CADM2: variants seen among roughly 807,000 people sequenced by gnomAD.
CADM2 encodes the protein cell adhesion molecule 2.
CADM2 carries 12 observed loss-of-function variants against 49.8 expected under a neutral mutation model. The observed-to-expected ratio is 0.24, with a 90% CI of 0.15 to 0.39. CADM2 has a LOEUF of 0.39. Ranked by LOEUF, CADM2 falls within the 10% of genes least tolerant of loss-of-function variation. The pLI is 1.00. For missense variants in CADM2, 378 were observed against 492.3 expected, an observed-to-expected ratio of 0.77 and a Z score of 2.20; for synonymous variants, 214 against 175.4, an observed-to-expected ratio of 1.22 and a Z score of -1.74.
At chr3:85,673,809 G>A (rs2065816979) in intron 1 of CADM2, among the ~76,000 whole-genome samples, 1 of 152,052 alleles carries the variant, frequency 6.6e-6, no homozygotes, top group African/African-American at 2.4e-5. Flanking sequence ...ATATGTTTAG[G>A]GTTTGGGAGC....
intron 1 of CADM2, among the ~76,000 whole-genome samples, chr3:85,536,847 C>A (rs1048271978): frequency 6.6e-6 from 1 of 151,758 alleles, no homozygotes; most frequent in Non-Finnish European, 1.5e-5. Flanking sequence ...AATAGCTTTG[C>A]TCCCTGTGGT....
At chr3:85,754,326 A>C (rs2107872786) in intron 2 of CADM2, among the ~76,000 whole-genome samples, 1 of 152,160 alleles carries the variant, frequency 6.6e-6, no homozygotes, top group African/African-American at 2.4e-5. Context: ...CAGTGAAACA[A>C]CCACCTGACC....
chr3:85,446,647 G>A (rs189765906), intron 1 of CADM2, among the ~76,000 whole-genome samples: 1 of 138,040 alleles, frequency 7.2e-6, no homozygotes, highest in South Asian at 2.3e-4. Flanking sequence ...TTGTTGCCCA[G>A]ACTGGAGTAC....
intron 1 of CADM2, among the ~76,000 whole-genome samples, chr3:85,023,446 A>G (rs906194264): frequency 6.6e-6 from 1 of 151,702 alleles, no homozygotes; most frequent in African/African-American, 2.4e-5. Flanking sequence ...CACCAATTTT[A>G]TGTTTTTTTC....
intron 1 of CADM2, among the ~76,000 whole-genome samples, chr3:85,053,864 A>C (rs1182794171): frequency 2.6e-5 from 4 of 151,934 alleles, no homozygotes; most frequent in Non-Finnish European, 5.9e-5. Context: ...AACCAATCAA[A>C]ATCTGAGGTC....
intron 1 of CADM2, among the ~76,000 whole-genome samples, chr3:85,336,702 G>A (rs912718616): frequency 1.3e-5 from 2 of 150,044 alleles, no homozygotes; most frequent in Non-Finnish European, 3.0e-5. Flanking sequence ...TTACTAAGTG[G>A]TCAATATAAA....
At chr3:85,280,555 T>C (rs973397822) in intron 1 of CADM2, among the ~76,000 whole-genome samples, 3 of 151,800 alleles carry the variant, frequency 2.0e-5, no homozygotes, top group African/African-American at 7.2e-5. Flanking sequence ...TTATTTGAGA[T>C]CTTTGACTTT....
At chr3:85,021,239 G>C (rs2034495786) in intron 1 of CADM2, among the ~76,000 whole-genome samples, 1 of 151,806 alleles carries the variant, frequency 6.6e-6, no homozygotes, top group Admixed American at 6.6e-5. Context: ...TTAAAAAAAA[G>C]ATTTGAGAAG....
intron 1 of CADM2, among the ~76,000 whole-genome samples, chr3:85,577,879 G>A (rs1471283371): frequency 2.0e-5 from 3 of 151,868 alleles, no homozygotes; most frequent in Non-Finnish European, 4.4e-5. Context: ...TGTATATTCT[G>A]TTTAGAAAGC....
At chr3:85,534,536 G>A (rs1299195394) in intron 1 of CADM2, among the ~76,000 whole-genome samples, 1 of 152,120 alleles carries the variant, frequency 6.6e-6, no homozygotes, top group African/African-American at 2.4e-5. Context: ...TTGCAACACA[G>A]TCACACTCTT....
intron 1 of CADM2, among the ~76,000 whole-genome samples, chr3:85,463,700 G>T (rs1465007465): frequency 1.3e-5 from 2 of 152,066 alleles, no homozygotes; most frequent in East Asian, 1.9e-4. Context: ...TAAACAATTT[G>T]CTTTAAAAAT....
chr3:85,341,018 G>A (rs981998045), intron 1 of CADM2, among the ~76,000 whole-genome samples: 4 of 151,516 alleles, frequency 2.6e-5, no homozygotes, highest in African/African-American at 4.8e-5. Context: ...TAAAATCTTA[G>A]TCACTGTGTT....
chr3:85,463,384 T>C lies in CADM2; in HGVS notation c.62-263138T>C, dbSNP rs1192864583. ...TGTAACTTTATCTGGCTTGGGCAGG[T>C]TTGATTGTTTTGGAAAAATCTGTGC... On this transcript the variant is annotated intron_variant, in intron 1 of 9. Transcript: ENST00000383699. Among the ~76,000 whole-genome samples the C allele has an allele frequency of 2.0e-5, 3 of 152,152 alleles. No individual in the cohort carries two copies. The East Asian group carries it at 5.8e-4, about 29-fold the overall frequency.
intron 1 of CADM2, among the ~76,000 whole-genome samples, chr3:85,580,799 A>G (rs564834196): frequency 6.6e-6 from 1 of 152,268 alleles, no homozygotes; most frequent in East Asian, 1.9e-4. Context: ...CAAATTTTAT[A>G]TTATAATAAT....
chr3:85,732,662 A>T (rs978654287), intron 2 of CADM2, among the ~76,000 whole-genome samples: 2 of 152,228 alleles, frequency 1.3e-5, no homozygotes, highest in Non-Finnish European at 2.9e-5. Flanking sequence ...TAATTATAAC[A>T]GCTAATATTT....
At chr3:85,515,627 ATATATT>A (rs1402328685) in intron 1 of CADM2, among the ~76,000 whole-genome samples, 4 of 113,468 alleles carry the variant, frequency 3.5e-5, no homozygotes, top group African/African-American at 1.4e-4. Flanking sequence ...ATATATATAT[ATATATT>A]TTTTTTTTTT....
In CADM2 at chr3:85,637,632, AAAAT is replaced by A. The variant is rs1398969721; in HGVS notation, c.62-88870_62-88867del. Among the ~76,000 whole-genome samples the A allele has an allele frequency of 6.9e-5, 10 of 145,774 alleles. No individual in the cohort carries two copies. The South Asian group carries it at 1.5e-3, about 22-fold the overall frequency. The stretch of plus-strand genomic sequence containing the variant: ...TCAAAAAAAAAAAAAAAAATAAAAT[AAAAT>A]AAATAAATAAATAAATAAAAGGTAT... On this transcript the variant is annotated intron_variant, in intron 1 of 9. Transcript: ENST00000383699.
intron 8 of CADM2, among the ~76,000 whole-genome samples, chr3:85,995,863 G>T (rs147479737): frequency 2.0e-5 from 3 of 152,108 alleles, no homozygotes; most frequent in Non-Finnish European, 2.9e-5. Context: ...GCCAAGGCGG[G>T]TGGATCACGA....
intron 3 of CADM2, among the ~76,000 whole-genome samples, chr3:85,855,131 A>G (rs990201842): frequency 6.6e-6 from 1 of 151,962 alleles, no homozygotes; most frequent in African/African-American, 2.4e-5. Flanking sequence ...CTCCAGAACT[A>G]CACAGTTTTG....
Sources: allele counts gnomAD v4.1 joint callset (sites outside exome capture counted in the v4.1 genomes callset), GRCh38; gene constraint gnomAD v4.1.1; transcripts MANE v1.5; gene names NCBI Gene and HGNC (gene_info 2026-07-23, HGNC 2026-07-21).